The following ZNFX1 variants were observed in gnomAD, a reference collection of about 807,000 sequenced individuals.
ZNFX1 encodes NFX1-type zinc finger-containing protein 1.
A neutral mutation model predicts 179.8 loss-of-function variants in ZNFX1; 78 were observed. That is an observed-to-expected ratio of 0.43 (90% CI 0.36 to 0.52). The LOEUF is 0.52. ZNFX1 is among the 20% of genes least tolerant of loss of function. The pLI is 0.00. For synonymous variants in ZNFX1, 848 were observed against 868.5 expected, an observed-to-expected ratio of 0.98 and a Z score of 0.42; for missense variants, 1,927 against 2,386.6, an observed-to-expected ratio of 0.81 and a Z score of 4.01.
Position 49,255,963 on chromosome 20 carries a change from C to A in ZNFX1, c.2665-16G>T. The A allele has an allele frequency of 6.2e-7, 1 of 1,613,246 alleles. No individual in the cohort carries two copies. Among genetic ancestry groups the A allele is most frequent in the Non-Finnish European group, 8.5e-7 (1 of 1,179,664 alleles). On this transcript the variant is annotated splice_polypyrimidine_tract_variant and intron_variant, in intron 8 of 13. Coordinates refer to ENST00000396105, the MANE Select transcript of ZNFX1 (RefSeq NM_021035.3). ...TGCGCTGGGTCTGCAGACATCAATA[C>A]CAGGCAGGGTACTGTCTGAGCAGAG...
chr20:49,263,268 C>T, intron 6 of ZNFX1, 66 bp downstream of exon 6: 1 of 1,572,112 alleles, frequency 6.4e-7, no homozygotes, highest in Non-Finnish European at 8.7e-7. Flanking sequence ...ACTGATGCTT[C>T]TCCTGGAGGC....
chr20:49,266,720 A>G (rs1568986149), intron 3 of ZNFX1, among the ~76,000 whole-genome samples: 3 of 117,134 alleles, frequency 2.6e-5, no homozygotes, highest in Admixed American at 1.2e-4. Flanking sequence ...CCAGTTTTCT[A>G]TTGATGCTGT....
rs775829734 is a variant in ZNFX1 at position 49,270,250 on chromosome 20, C to T, written c.1562G>A (p.Gly521Glu). 6 of 1,614,024 alleles carry T rather than the reference C, an allele frequency of 3.7e-6. No homozygotes were observed. In the South Asian group the frequency reaches 6.6e-5, roughly 18 times the overall value. Residue 521 changes from glycine to glutamate, a missense_variant, in exon 3 of 14, where the codon GGA becomes GAA. Coordinates refer to ENST00000396105, the MANE Select transcript of ZNFX1 (RefSeq NM_021035.3). This position sits in a 1 kb window ranked among gnomAD's most constrained non-coding sequence, Gnocchi z 4.6. ...YFEAYRHVLEGLQEVQEEDVP... is the reference protein window; with the variant it reads ...YFEAYRHVLEELQEVQEEDVP... ...ATCTTCCTCCTGGACCTCCTGGAGT[C>T]CTTCCAGGACGTGCCTGTAGGCCTC...
At chr20:49,261,774 T>C (rs1981118379) in intron 6 of ZNFX1, among the ~76,000 whole-genome samples, 1 of 151,492 alleles carries the variant, frequency 6.6e-6, no homozygotes, top group Non-Finnish European at 1.5e-5. Flanking sequence ...GCCTCCTGAG[T>C]AGCTGGGACT....
At chr20:49,274,962 A>G (rs1445581000) in intron 2 of ZNFX1, among the ~76,000 whole-genome samples, 1 of 74,954 alleles carries the variant, frequency 1.3e-5, no homozygotes, top group Non-Finnish European at 3.8e-5. Context: ...CTCTACTGAA[A>G]ATACAAAAAA....
At chr20:49,258,924 G>A (rs1159457714) in intron 7 of ZNFX1, among the ~76,000 whole-genome samples, 1 of 151,796 alleles carries the variant, frequency 6.6e-6, no homozygotes, top group Non-Finnish European at 1.5e-5. Flanking sequence ...GCCAACATGG[G>A]GAAACCCCAT....
chr20:49,249,609 C>T lies in ZNFX1; in HGVS notation c.3415G>A (p.Glu1139Lys), dbSNP rs748333661. ...TGGCACAGGAAGTACTTGCACAGCT[C>T]TACCACAAAGTGAGCCTCATGCTGG... ...QNQHEAHFVVELCKYFLCQEY... is the reference protein window; with the variant it reads ...QNQHEAHFVVKLCKYFLCQEY... The change falls in exon 14 of 14, where the codon GAG (glutamate) becomes AAG (lysine). Residue 1139 changes from glutamate to lysine, a missense_variant. Glu to Lys is a moderately conservative substitution (Grantham distance 56). Coordinates refer to ENST00000396105, the MANE Select transcript of ZNFX1 (RefSeq NM_021035.3). 6.2e-7 allele frequency: 1 copy of T among 1,614,116 alleles called. No individual in the cohort carries two copies. The highest frequency in any genetic ancestry group is 1.3e-5 in the African/African-American group (1 of 74,940).
Position 49,266,148 on chromosome 20 carries a change from G to C in ZNFX1, c.1989C>G (p.Asp663Glu). ...LVVCYTNHAL[D>E]QFLEGIYNCQ... ...TATAAGTATTACCTTCCAGAAACTG[G>C]TCCAAAGCATGATTAGTATAACACA... Residue 663 changes from aspartate (D) to glutamate (E), a missense_variant, in exon 4 of 14, where the codon GAC (aspartate) becomes GAG (glutamate). Asp to Glu is a conservative substitution (Grantham distance 45, BLOSUM62 2). Transcript: ENST00000396105. The C allele has an allele frequency of 6.2e-7, 1 of 1,608,338 alleles. No homozygotes were observed. Among genetic ancestry groups the C allele is most frequent in the South Asian group, 1.1e-5 (1 of 89,610 alleles).
chr20:49,259,200 G>C (rs1361156520), intron 7 of ZNFX1, among the ~76,000 whole-genome samples: 1 of 151,328 alleles, frequency 6.6e-6, no homozygotes, highest in East Asian at 1.9e-4. Context: ...ATACAATGGA[G>C]GGCATACAAT....
rs149262254 is a variant in ZNFX1, at chr20:49,255,687, G to A, written c.2804+121C>T. On this transcript the variant is annotated intron_variant, in intron 9 of 13. Coordinates refer to ENST00000396105, the MANE Select transcript of ZNFX1 (RefSeq NM_021035.3). ...CCCATGGCTGTATCCCTATCACTCA[G>A]CTCAGTGGTGGTGCTCAATCAATAA... 5.2e-5 allele frequency: 60 copies of A among 1,144,912 alleles called. No homozygotes were observed. In the East Asian group the frequency reaches 1.4e-3, roughly 27 times the overall value. The allele number at this position is 1,144,912 out of a possible 1,614,324, so 70.9% of individuals were successfully genotyped here.
At position 49,247,279 on chromosome 20, in the gene ZNFX1, C is replaced by T. The variant is rs772548118; in HGVS notation, c.5745G>A (p.Gln1915=). 3.7e-6 allele frequency: 6 copies of T among 1,606,396 alleles called. No homozygotes were observed. Among genetic ancestry groups the T allele is most frequent in the East Asian group, 2.2e-5 (1 of 44,746 alleles). Residue 1915 remains glutamine, a synonymous_variant, in exon 14 of 14, where the codon CAG becomes CAA. Transcript: ENST00000396105. ...GTGTACCATCTTCCTACATCATCCC[C>T]TGGATCTCCTCAAAGTTCATCAGGT... is the stretch of plus-strand genomic sequence containing the variant. The part of the protein sequence containing the change: ...ANNLMNFEEI[Q]GMM
chr20:49,253,308 A>G lies in ZNFX1; in HGVS notation c.3105+358T>C, dbSNP rs556551710. Among the ~76,000 whole-genome samples, 3 of 152,282 alleles carry G rather than the reference A, an allele frequency of 2.0e-5. No homozygotes were observed. In the South Asian group the frequency reaches 6.2e-4, roughly 32 times the overall value. On this transcript the variant is annotated intron_variant, in intron 11 of 13. Transcript: ENST00000396105. ...TTTCAGCTGGAAAGTGATATTATCT[A>G]TCTACCTTTTTTTTAAAAAAATTCA...
intron 1 of ZNFX1, among the ~76,000 whole-genome samples, chr20:49,277,589 G>C (rs1981611695): frequency 6.6e-6 from 1 of 151,586 alleles, no homozygotes; most frequent in Non-Finnish European, 1.5e-5. Context: ...AAGCGGTGAC[G>C]GTGTCGGGGG....
chr20:49,276,823 C>T (rs1981573660), intron 1 of ZNFX1, among the ~76,000 whole-genome samples: 1 of 152,208 alleles, frequency 6.6e-6, no homozygotes, highest in African/African-American at 2.4e-5. Context: ...CTCTTTTCTT[C>T]CCCCTGGGAA....
rs147899767 is a variant in ZNFX1 at position 49,271,504 on chromosome 20, G to T, written c.308C>A (p.Thr103Asn). 3 of 1,614,008 alleles carry T rather than the reference G, an allele frequency of 1.9e-6. No homozygotes were observed. The highest frequency in any genetic ancestry group is 1.3e-5 in the African/African-American group (1 of 74,898). The stretch of plus-strand genomic sequence containing the variant: ...GTCCTGGTTGCCATTTCTCCACCTG[G>T]TGTCATTCTCCTGGTCATGTCTTTG... ...RDQRHDQEND[T>N]RWRNGNQDCR... The change falls in exon 3 of 14, where the codon ACC becomes AAC. Residue 103 changes from threonine to asparagine, a missense_variant. By Grantham distance (65) the Thr-to-Asn change is moderately conservative (BLOSUM62 0). Transcript: ENST00000396105.
chr20:49,276,477 T>C (rs6122779), intron 1 of ZNFX1, among the ~76,000 whole-genome samples: 67,597 of 152,120 alleles, frequency 0.44, 16,470 homozygotes, highest in Middle Eastern at 0.61. Flanking sequence ...AGAAATTACA[T>C]GTTTCAATAA....
In ZNFX1 at chr20:49,257,402, A is replaced by C; in HGVS notation, c.2664+15T>G. 3 of 1,613,688 alleles carry C rather than the reference A, an allele frequency of 1.9e-6. No homozygotes were observed. The highest frequency in any genetic ancestry group is 2.5e-6 in the Non-Finnish European group (3 of 1,179,692). ...ACACTCTCAGGCCTGTTTCAACCCAAGGAAGTGAGTTTACCTGCCACTCTC... is the reference window on the plus strand; with the variant it reads ...ACACTCTCAGGCCTGTTTCAACCCACGGAAGTGAGTTTACCTGCCACTCTC... On this transcript the variant is annotated intron_variant, in intron 8 of 13. Transcript: ENST00000396105.
chr20:49,277,208 C>A (rs556455827), intron 1 of ZNFX1, among the ~76,000 whole-genome samples: 27 of 152,038 alleles, frequency 1.8e-4, no homozygotes, highest in Non-Finnish European at 3.2e-4. Context: ...GAGTGGGACG[C>A]AGGAGGCTGA....
In ZNFX1 at chr20:49,251,838, CTTTCT is replaced by C. The variant is rs1172479414; in HGVS notation, c.3217-221_3217-217del. Among the ~76,000 whole-genome samples the C allele has an allele frequency of 7.7e-5, 9 of 117,492 alleles. No homozygotes were observed. In the South Asian group the frequency reaches 7.9e-4, roughly 10 times the overall value. 77.1% of individuals were successfully genotyped at this position (117,492 alleles called of 152,430 possible). On this transcript the variant is annotated intron_variant, in intron 12 of 13. Transcript: ENST00000396105. ...ATAGTGAGCCCTCATCTCTATTTTT[CTTTCT>C]TTTTTTTTTTTTTTTGAGACGTGTC...
Sources: allele counts gnomAD v4.1 joint callset (sites outside exome capture counted in the v4.1 genomes callset), GRCh38; gene constraint gnomAD v4.1.1; non-coding constraint Gnocchi (gnomAD v3.1); transcripts MANE v1.5; gene names NCBI Gene and HGNC (gene_info 2026-07-23, HGNC 2026-07-21).